The following RGS7 variants were observed in gnomAD, a reference collection of about 807,000 sequenced individuals.
The protein encoded by RGS7 is regulator of G protein signaling 7.
Under a neutral mutation model 81.1 loss-of-function variants are expected in RGS7, and 27 were observed. The observed-to-expected ratio is 0.33, with a 90% CI of 0.25 to 0.46. The LOEUF is 0.46. Ranked by LOEUF, RGS7 falls within the 20% of genes least tolerant of loss-of-function variation. The pLI is 1.00. For synonymous variants in RGS7, 208 were observed against 207.7 expected, an observed-to-expected ratio of 1.00 and a Z score of -0.01; for missense variants, 396 against 607.4, an observed-to-expected ratio of 0.65 and a Z score of 3.66.
At chr1:241,291,509 C>T (rs2079083189) in intron 2 of RGS7, among the ~76,000 whole-genome samples, 1 of 149,080 alleles carries the variant, frequency 6.7e-6, no homozygotes, top group South Asian at 2.1e-4. Flanking sequence ...GCAATGTTGC[C>T]TACTGAAGGG....
At chr1:240,826,542 C>A (rs573006938) in intron 10 of RGS7, among the ~76,000 whole-genome samples, 11 of 152,228 alleles carry the variant, frequency 7.2e-5, no homozygotes, top group Admixed American at 2.6e-4. Flanking sequence ...GTACATCAAG[C>A]GTGTTTTATA....
intron 2 of RGS7, among the ~76,000 whole-genome samples, chr1:241,143,274 T>C (rs2103092816): frequency 6.6e-6 from 1 of 152,324 alleles, no homozygotes; most frequent in South Asian, 2.1e-4. Context: ...TTTGGGTATC[T>C]TTTCAGCAAT....
At chr1:240,898,231 C>T (rs1278954920) in intron 6 of RGS7, among the ~76,000 whole-genome samples, 1 of 152,074 alleles carries the variant, frequency 6.6e-6, no homozygotes, top group Non-Finnish European at 1.5e-5. Context: ...TTCAAAAAAC[C>T]AGCTCCTGGA....
chr1:241,345,256 G>T (rs1033142293), intron 2 of RGS7, among the ~76,000 whole-genome samples: 5 of 152,156 alleles, frequency 3.3e-5, no homozygotes, highest in Non-Finnish European at 7.3e-5. Context: ...TGGGAGAGAG[G>T]AGAGGATCAG....
chr1:240,896,099 C>T (rs1572648508), intron 6 of RGS7, among the ~76,000 whole-genome samples: 1 of 152,240 alleles, frequency 6.6e-6, no homozygotes, highest in Non-Finnish European at 1.5e-5. Flanking sequence ...TGAGAAGTGT[C>T]TGTTCATATC....
At chr1:240,952,485 A>G (rs549295358) in intron 4 of RGS7, among the ~76,000 whole-genome samples, 1 of 152,128 alleles carries the variant, frequency 6.6e-6, no homozygotes, top group East Asian at 1.9e-4. Context: ...GCTGCTAAAA[A>G]CTTTAACAAA....
intron 18 of RGS7, among the ~76,000 whole-genome samples, chr1:240,784,620 TG>T (rs1363629015): frequency 2.0e-5 from 3 of 151,128 alleles, no homozygotes; most frequent in Non-Finnish European, 4.4e-5. Flanking sequence ...CGCTCCAGCC[TG>T]GGCAACAGAA....
intron 3 of RGS7, among the ~76,000 whole-genome samples, chr1:241,039,425 C>T (rs2060492366): frequency 6.6e-6 from 1 of 152,056 alleles, no homozygotes; most frequent in Non-Finnish European, 1.5e-5. Flanking sequence ...GACACAGAAG[C>T]AGAATGGGAT....
At chr1:241,251,963 G>C (rs1382422157) in intron 2 of RGS7, among the ~76,000 whole-genome samples, 1 of 152,106 alleles carries the variant, frequency 6.6e-6, no homozygotes, top group African/African-American at 2.4e-5. Context: ...GGGCTGCGGA[G>C]CCTCGGAGTC....
intron 18 of RGS7, among the ~76,000 whole-genome samples, chr1:240,780,882 C>A (rs1364739586): frequency 6.8e-6 from 1 of 147,134 alleles, no homozygotes; most frequent in Non-Finnish European, 1.5e-5. Flanking sequence ...CCACTGCACT[C>A]CAACCTGGGT....
chr1:241,239,808 G>C (rs991888887), intron 2 of RGS7, among the ~76,000 whole-genome samples: 2 of 152,188 alleles, frequency 1.3e-5, no homozygotes, highest in African/African-American at 2.4e-5. Flanking sequence ...CTGCAAATAA[G>C]GACTATAGAA....
intron 2 of RGS7, among the ~76,000 whole-genome samples, chr1:241,281,327 T>C (rs1157506985): frequency 6.6e-6 from 1 of 152,266 alleles, no homozygotes; most frequent in Non-Finnish European, 1.5e-5. Context: ...AGCCACCTTC[T>C]GTTGCTATTG....
intron 2 of RGS7, among the ~76,000 whole-genome samples, chr1:241,335,043 G>A (rs1297855860): frequency 6.6e-6 from 1 of 152,136 alleles, no homozygotes; most frequent in African/African-American, 2.4e-5. Flanking sequence ...TAATAAGTGG[G>A]GCTAAACCAA....
At chr1:241,090,889 A>C (rs2063829566) in intron 3 of RGS7, among the ~76,000 whole-genome samples, 1 of 152,200 alleles carries the variant, frequency 6.6e-6, no homozygotes, top group Non-Finnish European at 1.5e-5. Flanking sequence ...GATGAATGTA[A>C]GAGTCCCAGG....
chr1:240,909,121 T>C (rs1671314398), intron 6 of RGS7, among the ~76,000 whole-genome samples: 1 of 152,224 alleles, frequency 6.6e-6, no homozygotes, highest in Non-Finnish European at 1.5e-5. Context: ...GGATGTTTTA[T>C]TACTGCTCCT....
intron 2 of RGS7, among the ~76,000 whole-genome samples, chr1:241,099,336 C>CAT (rs1010701570): frequency 2.0e-5 from 3 of 152,128 alleles, no homozygotes; most frequent in African/African-American, 7.2e-5. Context: ...CTCTCATGCA[C>CAT]ATACACTCAT....
intron 2 of RGS7, among the ~76,000 whole-genome samples, chr1:241,161,071 AT>A (rs67763906): frequency 0.52 from 78,253 of 151,884 alleles, 22,799 homozygotes; most frequent in African/African-American, 0.8. Flanking sequence ...TGTAGAAATG[AT>A]TTAAGAAATC....
At chr1:241,055,379 T>A (rs1027471514) in intron 3 of RGS7, among the ~76,000 whole-genome samples, 1 of 152,222 alleles carries the variant, frequency 6.6e-6, no homozygotes, top group Non-Finnish European at 1.5e-5. Context: ...ATTAACTTGC[T>A]AGCACAGCTC....
rs534060566 is a variant in RGS7, at chr1:240,889,222, G to T, written c.386-19103C>A. Among the ~76,000 whole-genome samples, 18 of 152,312 alleles carry T rather than the reference G, an allele frequency of 1.2e-4. No individual in the cohort carries two copies. The South Asian group carries it at 3.7e-3, about 32-fold the overall frequency. On this transcript the variant is annotated intron_variant, in intron 6 of 18. Transcript: ENST00000440928. ...TCTGCCCGCCTTGGCCTCCCAAAGT[G>T]CTGGGATTACAGACGTGAGCCACTG... is the stretch of plus-strand genomic sequence containing the variant.
Sources: gnomAD v4.1 joint callset for allele counts (sites outside exome capture counted in the v4.1 genomes callset) on GRCh38, gnomAD v4.1.1 for gene constraint, MANE v1.5 for transcripts, NCBI Gene and HGNC (gene_info 2026-07-23, HGNC 2026-07-21) for gene names.